The following TNNI3K variants were observed in gnomAD, a reference collection of about 807,000 sequenced individuals.
TNNI3K encodes the protein TNNI3 interacting kinase, also known as serine/threonine-protein kinase TNNI3K.
A neutral mutation model predicts 114.5 loss-of-function variants in TNNI3K; 140 were observed. That is an observed-to-expected ratio of 1.22 (90% CI 1.07 to 1.41). TNNI3K has a LOEUF of 1.41. TNNI3K is among the 40% of genes most tolerant of loss of function. The pLI is 0.00. For synonymous variants in TNNI3K, 347 were observed against 347.5 expected, an observed-to-expected ratio of 1.00 and a Z score of 0.02; for missense variants, 1,125 against 1,007.6, an observed-to-expected ratio of 1.12 and a Z score of -1.58.
At chr1:74,412,956 A>G (rs981751097) in intron 17 of TNNI3K, among the ~76,000 whole-genome samples, 32 of 152,154 alleles carry the variant, frequency 2.1e-4, no homozygotes, top group African/African-American at 7.2e-4. Context: ...AATGTACACC[A>G]TAAGTTCTCT....
At chr1:74,285,175 C>T (rs1657254703) in intron 5 of TNNI3K, among the ~76,000 whole-genome samples, 1 of 152,190 alleles carries the variant, frequency 6.6e-6, no homozygotes, top group Admixed American at 6.5e-5. Context: ...CAGTCCACTT[C>T]ATTCAAAATG....
Position 74,368,035 on chromosome 1 carries a change from A to G in TNNI3K, c.1321+71A>G, listed in dbSNP as rs548363884. On this transcript the variant is annotated intron_variant, in intron 13 of 24. Transcript: ENST00000326637. ...ACTATTGCTTCAAATGTAATTTTCAATTTTGTTTTACATATTACAAATGAT... is the reference window on the plus strand; with the variant it reads ...ACTATTGCTTCAAATGTAATTTTCAGTTTTGTTTTACATATTACAAATGAT... 1.6e-5 allele frequency: 23 copies of G among 1,411,852 alleles called. No individual in the cohort carries two copies. The East Asian group carries it at 1.8e-4, about 11-fold the overall frequency. 87.5% of individuals were successfully genotyped at this position (1,411,852 alleles called of 1,614,324 possible).
At chr1:74,506,031 C>G (rs1669879738) in intron 23 of TNNI3K, among the ~76,000 whole-genome samples, 2 of 152,116 alleles carry the variant, frequency 1.3e-5, no homozygotes, top group African/African-American at 4.8e-5. Flanking sequence ...TATTTGCCAG[C>G]CCAGCCAGTG....
At chr1:74,516,815 G>A (rs191498914) in intron 23 of TNNI3K, among the ~76,000 whole-genome samples, 4 of 152,242 alleles carry the variant, frequency 2.6e-5, no homozygotes, top group Admixed American at 2.0e-4. Flanking sequence ...AGTTAAGGCA[G>A]CTTACTTCTG....
At chr1:74,316,634 C>G (rs1195449223) in intron 5 of TNNI3K, among the ~76,000 whole-genome samples, 1 of 151,906 alleles carries the variant, frequency 6.6e-6, no homozygotes, top group Non-Finnish European at 1.5e-5. Context: ...ACCATCCTAG[C>G]TCTGATACTG....
At chr1:74,366,288 T>G (rs1309398651) in intron 11 of TNNI3K, among the ~76,000 whole-genome samples, 1 of 152,052 alleles carries the variant, frequency 6.6e-6, no homozygotes, top group East Asian at 1.9e-4. Context: ...CTTTTGTAAA[T>G]TAGCTTCATA....
intron 17 of TNNI3K, among the ~76,000 whole-genome samples, chr1:74,377,809 A>G (rs970466951): frequency 6.6e-6 from 1 of 152,028 alleles, no homozygotes; most frequent in Admixed American, 6.6e-5. Context: ...CACAGATAAC[A>G]CAACTCCCAT....
At chr1:74,290,048 T>C (rs1486049971) in intron 5 of TNNI3K, among the ~76,000 whole-genome samples, 1 of 151,604 alleles carries the variant, frequency 6.6e-6, no homozygotes, top group African/African-American at 2.4e-5. Context: ...TTTCTGGGCA[T>C]CCCCAGAAAA....
intron 5 of TNNI3K, among the ~76,000 whole-genome samples, chr1:74,304,482 A>G (rs540853546): frequency 1.3e-5 from 2 of 152,240 alleles, no homozygotes; most frequent in African/African-American, 4.8e-5. Context: ...TTGCACTGTC[A>G]CCCAGGCTGG....
intron 19 of TNNI3K, chr1:74,439,220 G>C (rs1341052509): frequency 3.2e-6 from 1 of 307,716 alleles, no homozygotes; most frequent in African/African-American, 2.2e-5. Flanking sequence ...AATTACTTGT[G>C]TGATGTTTTA....
intron 21 of TNNI3K, among the ~76,000 whole-genome samples, chr1:74,466,232 A>G (rs1306244461): frequency 6.6e-6 from 1 of 152,182 alleles, no homozygotes; most frequent in Non-Finnish European, 1.5e-5. Context: ...CCAAGAACCC[A>G]CCAATTCTGG....
intron 17 of TNNI3K, among the ~76,000 whole-genome samples, chr1:74,417,122 AAG>A (rs199918540): frequency 6.6e-5 from 10 of 152,172 alleles, no homozygotes; most frequent in African/African-American, 2.2e-4. Flanking sequence ...GAAAAGATGA[AAG>A]AGAGAGAAAT....
At chr1:74,424,734 AAG>A (rs72300895) in intron 17 of TNNI3K, among the ~76,000 whole-genome samples, 1 of 151,422 alleles carries the variant, frequency 6.6e-6, no homozygotes, top group African/African-American at 2.4e-5. Context: ...AAAAAAAAAA[AAG>A]AGAGAGACAT....
intron 4 of TNNI3K, among the ~76,000 whole-genome samples, chr1:74,258,751 A>G (rs954919971): frequency 2.6e-5 from 4 of 152,200 alleles, no homozygotes; most frequent in African/African-American, 7.2e-5. Flanking sequence ...ATCACTTTCC[A>G]TACTCTTTTC....
At chr1:74,455,291 T>C (rs562080210) in intron 20 of TNNI3K, among the ~76,000 whole-genome samples, 1 of 152,174 alleles carries the variant, frequency 6.6e-6, no homozygotes, top group South Asian at 2.1e-4. Flanking sequence ...ATAGGTAAAC[T>C]ATGAAGAAGT....
chr1:74,285,610 T>C (rs1657281952), intron 5 of TNNI3K, among the ~76,000 whole-genome samples: 1 of 152,210 alleles, frequency 6.6e-6, no homozygotes, highest in African/African-American at 2.4e-5. Context: ...TTATACTCTT[T>C]TTTGAGCACA....
intron 5 of TNNI3K, among the ~76,000 whole-genome samples, chr1:74,325,940 C>T (rs2100396614): frequency 6.6e-6 from 1 of 152,238 alleles, no homozygotes; most frequent in East Asian, 1.9e-4. Flanking sequence ...GCAGATTTTT[C>T]CACTAAATGG....
chr1:74,248,142 C>T (rs1654701665), intron 2 of TNNI3K, among the ~76,000 whole-genome samples: 1 of 152,176 alleles, frequency 6.6e-6, no homozygotes. Flanking sequence ...TCTGCAGCTT[C>T]TGGCCCAGGT....
intron 5 of TNNI3K, among the ~76,000 whole-genome samples, chr1:74,309,120 G>A (rs1190603046): frequency 6.6e-6 from 1 of 151,942 alleles, no homozygotes; most frequent in Non-Finnish European, 1.5e-5. Context: ...TGTAATCCCA[G>A]CACTTTGGGA....
Sources: allele counts gnomAD v4.1 joint callset (sites outside exome capture counted in the v4.1 genomes callset), GRCh38; gene constraint gnomAD v4.1.1; transcripts MANE v1.5; gene names NCBI Gene and HGNC (gene_info 2026-07-23, HGNC 2026-07-21).